CHRNA4: variants seen among roughly 807,000 people sequenced by gnomAD.
CHRNA4 encodes cholinergic receptor nicotinic alpha 4 subunit.
CHRNA4 carries 28 observed loss-of-function variants against 48.9 expected under a neutral mutation model. That is an observed-to-expected ratio of 0.57 (90% CI 0.42 to 0.79). CHRNA4 has a LOEUF of 0.79. Among genes scored for constraint, CHRNA4 ranks in the 30% least tolerant of loss-of-function variants. The pLI, the probability that CHRNA4 is intolerant of heterozygous loss-of-function variation, is 0.00. For missense variants in CHRNA4, 859 were observed against 898.4 expected, an observed-to-expected ratio of 0.96 and a Z score of 0.56; for synonymous variants, 425 against 402.3, an observed-to-expected ratio of 1.06 and a Z score of -0.68.
intron 1 of CHRNA4, 60 bp downstream of exon 1, chr20:63,361,030 G>C: frequency 1.5e-6 from 2 of 1,304,330 alleles, no homozygotes; most frequent in Non-Finnish European, 2.0e-6. Flanking sequence ...TCTGGCTCTG[G>C]GGGTCCCAGG....
intron 1 of CHRNA4, 82 bp downstream of exon 1, chr20:63,361,008 A>G: frequency 1.7e-6 from 2 of 1,159,636 alleles, no homozygotes; most frequent in Non-Finnish European, 2.2e-6. Flanking sequence ...CGCAGTCAGG[A>G]GCCTGCCTCC....
rs750325388 is a variant in CHRNA4 at position 63,359,577 on chromosome 20, C to G, written c.199G>C (p.Gly67Arg). 6.2e-7 allele frequency: 1 copy of G among 1,612,710 alleles called. No homozygotes were observed. Among genetic ancestry groups the G allele is most frequent in the Non-Finnish European group, 8.5e-7 (1 of 1,179,928 alleles). The change falls in exon 2 of 6, where the codon GGC becomes CGC. Residue 67 changes from glycine (G) to arginine (R), a missense_variant. This residue lies in a region of CHRNA4 where 342 missense variants were observed against 365.3 expected (regional missense o/e 0.94). Coordinates refer to ENST00000370263, the MANE Select transcript of CHRNA4 (RefSeq NM_000744.7). The stretch of plus-strand genomic sequence containing the variant: ...TCAATGAGCTGAGCGATGGACAGGC[C>G]GAAGCGGACGAGGACCACGTCCGAG... ...NISDVVLVRF[G>R]LSIAQLIDVD...
intron 5 of CHRNA4, chr20:63,349,412 A>G (rs2068545816): frequency 1.7e-6 from 1 of 594,694 alleles, no homozygotes; most frequent in Admixed American, 3.0e-5. Flanking sequence ...CCAAAGCCAG[A>G]GACGGCACCG....
At chr20:63,355,421 T>C (rs1441206854) in intron 4 of CHRNA4, 4 of 942,894 alleles carry the variant, frequency 4.2e-6, no homozygotes, top group Non-Finnish European at 5.9e-6. Flanking sequence ...TGGCGTGACA[T>C]GTCCTGGGCA....
At position 63,344,435 on chromosome 20, in the gene CHRNA4, C is replaced by T; in HGVS notation, c.*2303G>A. 2.2e-6 allele frequency: 1 copy of T among 452,590 alleles called. No homozygotes were observed. The highest frequency in any genetic ancestry group is 2.0e-5 in the African/African-American group (1 of 49,520). 28.0% of individuals were successfully genotyped at this position (452,590 alleles called of 1,614,324 possible). A position where few individuals can be genotyped will look rare whatever the true frequency, so the allele number is the denominator to read the frequency against. ...GACGCAAATACGCCAACATTGTTGT[C>T]AAGGTTAATTTGGCGTGGTGGGAAT... On this transcript the variant is annotated 3_prime_UTR_variant, in exon 6 of 6. Coordinates refer to ENST00000370263, the MANE Select transcript of CHRNA4 (RefSeq NM_000744.7). This position sits in a 1 kb window ranked among gnomAD's most constrained non-coding sequence, Gnocchi z 4.5.
At chr20:63,354,561 C>CT in intron 4 of CHRNA4, 1 of 865,082 alleles carries the variant, frequency 1.2e-6, no homozygotes, top group Non-Finnish European at 1.3e-6. Context: ...TTTGGAGGGC[C>CT]GTGGTCCTGG....
chr20:63,356,590 G>A (rs1335020133), intron 2 of CHRNA4, 175 bp from the exon 3 acceptor site: 16 of 670,348 alleles, frequency 2.4e-5, no homozygotes, highest in Non-Finnish European at 4.1e-5. Context: ...CCCAGGATGG[G>A]GACTCTGAGG....
rs987194349 is a variant in CHRNA4, at chr20:63,346,572, G to C, written c.*166C>G. On this transcript the variant is annotated 3_prime_UTR_variant, in exon 6 of 6. Coordinates refer to ENST00000370263, the MANE Select transcript of CHRNA4 (RefSeq NM_000744.7). ...CACACTCGGTCTCCCCAGAGGCCGT[G>C]TCCCCGTCCAAGGCCGTCTTACAGC... 1.2e-5 allele frequency: 12 copies of C among 983,360 alleles called. No individual in the cohort carries two copies. The highest frequency in any genetic ancestry group is 1.9e-5 in the Non-Finnish European group (12 of 645,674). 60.9% of individuals were successfully genotyped at this position (983,360 alleles called of 1,614,324 possible).
At chr20:63,359,481 C>T in intron 2 of CHRNA4, 67 bp downstream of exon 2, 1 of 1,602,552 alleles carries the variant, frequency 6.2e-7, no homozygotes, top group South Asian at 1.1e-5. Flanking sequence ...CCTCTGCCCA[C>T]CCAGACCCCT....
chr20:63,358,172 C>T (rs1422662975), intron 2 of CHRNA4, among the ~76,000 whole-genome samples: 1 of 152,224 alleles, frequency 6.6e-6, no homozygotes, highest in African/African-American at 2.4e-5. Flanking sequence ...GACACTGAGG[C>T]TGGAGGTCTG....
rs2068449485 is a variant in CHRNA4, at chr20:63,344,286, A to T, written c.*2452T>A. On this transcript the variant is annotated 3_prime_UTR_variant, in exon 6 of 6. Coordinates refer to ENST00000370263, the MANE Select transcript of CHRNA4 (RefSeq NM_000744.7). This position sits in a 1 kb window ranked among gnomAD's most constrained non-coding sequence, Gnocchi z 4.5. ...GGTCAATCCACGGTGCTTAAGTCAGAGCCACAGATGGGGAGGGACGCCGAC... is the reference window on the plus strand; with the variant it reads ...GGTCAATCCACGGTGCTTAAGTCAGTGCCACAGATGGGGAGGGACGCCGAC... The T allele has an allele frequency of 2.2e-6, 1 of 453,938 alleles. No homozygotes were observed. The highest frequency in any genetic ancestry group is 4.4e-6 in the Non-Finnish European group (1 of 226,788). The allele number at this position is 453,938 out of a possible 1,614,324, so 28.1% of individuals were successfully genotyped here. A position where few individuals can be genotyped will look rare whatever the true frequency, so the allele number is the denominator to read the frequency against.
chr20:63,348,622 C>A (rs1231636535), intron 5 of CHRNA4, among the ~76,000 whole-genome samples: 1 of 152,234 alleles, frequency 6.6e-6, no homozygotes, highest in Non-Finnish European at 1.5e-5. Flanking sequence ...CAGGCCCTGG[C>A]ACCGGGACAA....
At position 63,343,311 on chromosome 20, in the gene CHRNA4, C is replaced by CGGCCGCACCTGGGCTCGGCG. The variant is rs1465433121; in HGVS notation, c.*3407_*3426dup. On this transcript the variant is annotated 3_prime_UTR_variant, in exon 6 of 6. Coordinates refer to ENST00000370263, the MANE Select transcript of CHRNA4 (RefSeq NM_000744.7). ...GCAGACATTGCCTGCAGAAGCCGGG[C>CGGCCGCACCTGGGCTCGGCG]GGCCGCACCTGGGCTCGGCGGGCCA... 1 of 446,456 alleles carries CGGCCGCACCTGGGCTCGGCG rather than the reference C, an allele frequency of 2.2e-6. No individual in the cohort carries two copies. The highest frequency in any genetic ancestry group is 7.1e-5 in the East Asian group (1 of 14,160). 27.7% of individuals were successfully genotyped at this position (446,456 alleles called of 1,614,324 possible).
rs774484137 is a variant in CHRNA4 at position 63,344,198 on chromosome 20, G to A, written c.*2540C>T. ...ATGAAGCTCTAAGTCATAGGATGAA[G>A]AAGCCAGACATCAAAGGCTCCAACT... On this transcript the variant is annotated 3_prime_UTR_variant, in exon 6 of 6. Coordinates refer to ENST00000370263, the MANE Select transcript of CHRNA4 (RefSeq NM_000744.7). The surrounding 1 kb of genome is among the most constrained non-coding windows in gnomAD (Gnocchi z 4.5). 2.2e-6 allele frequency: 1 copy of A among 454,080 alleles called. No individual in the cohort carries two copies. The highest frequency in any genetic ancestry group is 1.6e-5 in the South Asian group (1 of 64,468). 28.1% of individuals were successfully genotyped at this position (454,080 alleles called of 1,614,324 possible). A position where few individuals can be genotyped will look rare whatever the true frequency, so the allele number is the denominator to read the frequency against.
chr20:63,343,799 G>A lies in CHRNA4; in HGVS notation c.*2939C>T, dbSNP rs150550009. 4,139 of 454,140 alleles carry A rather than the reference G, an allele frequency of 9.1e-3. 37 individuals carry two copies. Among genetic ancestry groups the A allele is most frequent in the Middle Eastern group, 0.03 (43 of 1,444 alleles). 28.1% of individuals were successfully genotyped at this position (454,140 alleles called of 1,614,324 possible). A position where few individuals can be genotyped will look rare whatever the true frequency, so the allele number is the denominator to read the frequency against. On this transcript the variant is annotated 3_prime_UTR_variant, in exon 6 of 6. Transcript: ENST00000370263. ...TCGAGCTGCAGCAGTGTCTCCCGCT[G>A]CCTGGTGCCTGGCACAGGGCGGGGA...
Position 63,347,352 on chromosome 20 carries a change from G to A in CHRNA4, c.1759-489C>T, listed in dbSNP as rs1482518837. On this transcript the variant is annotated intron_variant, in intron 5 of 5. Transcript: ENST00000370263. ...GGCGGACGAAAGCAGCACACATGGAGCCCGCAGAGCTGCCGCCATCTGCAG... is the reference window on the plus strand; with the variant it reads ...GGCGGACGAAAGCAGCACACATGGAACCCGCAGAGCTGCCGCCATCTGCAG... 2.0e-5 allele frequency among the ~76,000 whole-genome samples: 3 copies of A among 152,210 alleles called. No individual in the cohort carries two copies. In the East Asian group the frequency reaches 5.8e-4, roughly 29 times the overall value.
Position 63,361,180 on chromosome 20 carries a change from G to C in CHRNA4, c.-15C>G. The C allele has an allele frequency of 6.8e-7, 1 of 1,463,440 alleles. No homozygotes were observed. Among genetic ancestry groups the C allele is most frequent in the Non-Finnish European group, 9.0e-7 (1 of 1,110,848 alleles). The allele number at this position is 1,463,440 out of a possible 1,614,324, so 90.7% of individuals were successfully genotyped here. On this transcript the variant is annotated 5_prime_UTR_variant, in exon 1 of 6. Transcript: ENST00000370263. The stretch of plus-strand genomic sequence containing the variant: ...CCTAGCTCCATGGCGCACGCACCTC[G>C]CGGGCTCTAGATGCGGGCGGCTCCC...
At chr20:63,361,057 G>A (rs983144971) in intron 1 of CHRNA4, 33 bp downstream of exon 1, 11 of 1,407,108 alleles carry the variant, frequency 7.8e-6, no homozygotes, top group Non-Finnish European at 6.5e-6. Flanking sequence ...GAACGCGGGC[G>A]AAAGGGGGCC....
chr20:63,360,653 C>T (rs11697662), intron 1 of CHRNA4, among the ~76,000 whole-genome samples: 106,547 of 152,044 alleles, frequency 0.7, 39,005 homozygotes, highest in East Asian at 0.85. Context: ...GCGACCTTGT[C>T]CTTCCTGCAG....
Sources: gnomAD v4.1 joint callset for allele counts (sites outside exome capture counted in the v4.1 genomes callset) on GRCh38, gnomAD v4.1.1 for gene constraint, gnomAD v4.1.1 regional missense constraint, Gnocchi (gnomAD v3.1) non-coding constraint, MANE v1.5 for transcripts, NCBI Gene and HGNC (gene_info 2026-07-23, HGNC 2026-07-21) for gene names.